Variants in C8orf34 observed in about 807,000 individuals in gnomAD.
C8orf34 encodes the protein chromosome 8 open reading frame 34, also known as uncharacterized protein C8orf34.
C8orf34 carries 65 observed loss-of-function variants against 68.3 expected under a neutral mutation model. The ratio of observed to expected loss-of-function variants is 0.95; its 90% CI spans 0.78 to 1.17. The LOEUF is 1.17. C8orf34 is among the 50% of genes most tolerant of loss of function. The pLI is 0.00. For missense variants in C8orf34, 664 were observed against 655.4 expected (o/e 1.01, Z -0.14); for synonymous variants, 244 against 241.2 (o/e 1.01, Z -0.11).
chr8:68,375,971 T>C (rs1807776504), intron 1 of C8orf34, among the ~76,000 whole-genome samples: 1 of 152,170 alleles, frequency 6.6e-6, no homozygotes, highest in African/African-American at 2.4e-5. Context: ...CAACCGTTTG[T>C]CTATTCTTCA....
chr8:68,540,088 T>G (rs1276148756), intron 7 of C8orf34, among the ~76,000 whole-genome samples: 1 of 152,098 alleles, frequency 6.6e-6, no homozygotes, highest in African/African-American at 2.4e-5. Flanking sequence ...TAAAAATGTC[T>G]TATGTTCAAC....
chr8:68,743,715 C>T (rs1822378139), intron 10 of C8orf34, among the ~76,000 whole-genome samples: 1 of 152,364 alleles, frequency 6.6e-6, no homozygotes, highest in African/African-American at 2.4e-5. Flanking sequence ...AAAACCCGCA[C>T]CTGGCTCGGA....
At chr8:68,519,608 T>C (rs1586306056) in intron 5 of C8orf34, among the ~76,000 whole-genome samples, 1 of 152,346 alleles carries the variant, frequency 6.6e-6, no homozygotes, top group East Asian at 1.9e-4. Context: ...TTTATATGAC[T>C]TTGTTTTGTA....
chr8:68,636,395 G>T (rs934542420), intron 7 of C8orf34, among the ~76,000 whole-genome samples: 9 of 148,610 alleles, frequency 6.1e-5, no homozygotes, highest in Non-Finnish European at 1.2e-4. Flanking sequence ...CTAACACAGT[G>T]AAACCCTGCC....
At chr8:68,535,247 A>G (rs1815415934) in intron 7 of C8orf34, 1 of 979,410 alleles carries the variant, frequency 1.0e-6, no homozygotes, top group East Asian at 1.1e-4. Flanking sequence ...TTTATATAGA[A>G]TCATTGTAAG....
intron 1 of C8orf34, among the ~76,000 whole-genome samples, chr8:68,360,039 C>G (rs1167730671): frequency 6.6e-6 from 1 of 152,206 alleles, no homozygotes; most frequent in African/African-American, 2.4e-5. Context: ...AAAAAGGAAC[C>G]AAAATAACAC....
intron 1 of C8orf34, among the ~76,000 whole-genome samples, chr8:68,374,467 A>T (rs527580356): frequency 6.6e-6 from 1 of 152,260 alleles, no homozygotes; most frequent in South Asian, 2.1e-4. Context: ...TGTAGTTCAA[A>T]CTTACCAGAC....
chr8:68,411,997 G>A (rs1041893733), intron 1 of C8orf34, among the ~76,000 whole-genome samples: 1 of 152,160 alleles, frequency 6.6e-6, no homozygotes, highest in African/African-American at 2.4e-5. Flanking sequence ...CCTTAAAAAG[G>A]ACCTGAAGTA....
chr8:68,674,082 G>A (rs1457874705), intron 8 of C8orf34, among the ~76,000 whole-genome samples: 1 of 152,192 alleles, frequency 6.6e-6, no homozygotes, highest in Non-Finnish European at 1.5e-5. Context: ...TGGGATTGGG[G>A]TGCCCCTAAA....
At chr8:68,747,714 C>T (rs993487067) in intron 10 of C8orf34, among the ~76,000 whole-genome samples, 3 of 151,946 alleles carry the variant, frequency 2.0e-5, no homozygotes, top group Admixed American at 2.0e-4. Context: ...AACTGCAAAC[C>T]ACTGCTCAAG....
chr8:68,747,955 T>G (rs1286668818), intron 10 of C8orf34, among the ~76,000 whole-genome samples: 2 of 152,016 alleles, frequency 1.3e-5, no homozygotes, highest in African/African-American at 4.8e-5. Context: ...AGAACAAAGC[T>G]GGAGACATCA....
At chr8:68,761,734 A>T (rs887673871) in intron 10 of C8orf34, among the ~76,000 whole-genome samples, 5 of 152,196 alleles carry the variant, frequency 3.3e-5, no homozygotes, top group Non-Finnish European at 7.3e-5. Flanking sequence ...CTGTACCTTT[A>T]CTAATGATGT....
chr8:68,341,656 T>C (rs1424569818), intron 1 of C8orf34, among the ~76,000 whole-genome samples: 1 of 151,974 alleles, frequency 6.6e-6, no homozygotes, highest in African/African-American at 2.4e-5. Flanking sequence ...TGAGATCTGT[T>C]TAAGTGGTGT....
chr8:68,576,564 T>C (rs1047531206), intron 7 of C8orf34, among the ~76,000 whole-genome samples: 8 of 149,798 alleles, frequency 5.3e-5, no homozygotes, highest in Non-Finnish European at 1.0e-4. Context: ...GGTAAAGGCT[T>C]TCTTTGGATT....
intron 1 of C8orf34, among the ~76,000 whole-genome samples, chr8:68,368,276 T>C (rs1379400830): frequency 1.3e-5 from 2 of 152,174 alleles, no homozygotes; most frequent in Non-Finnish European, 2.9e-5. Context: ...CTTCCTTAGA[T>C]AGACATTATT....
intron 9 of C8orf34, among the ~76,000 whole-genome samples, chr8:68,719,847 A>G (rs17389034): frequency 0.19 from 28,206 of 151,886 alleles, 3,001 homozygotes; most frequent in Non-Finnish European, 0.24. Flanking sequence ...TACTGAAATA[A>G]GAACTTCAAT....
rs185221830 is a variant in C8orf34, at chr8:68,660,128, C to T, written c.1241+19617C>T. Among the ~76,000 whole-genome samples the T allele has an allele frequency of 1.8e-3, 270 of 152,126 alleles. 1 individual carries two copies. The highest frequency in any genetic ancestry group is 5.8e-3 in the Admixed American group (89 of 15,288). On this transcript the variant is annotated intron_variant, in intron 8 of 13. Transcript: ENST00000518698. ...GTCTGTGGTACAGGGACACAGTTACCCATCTGTGAAGAGAGGACAGAGGAG... is the reference window on the plus strand; with the variant it reads ...GTCTGTGGTACAGGGACACAGTTACTCATCTGTGAAGAGAGGACAGAGGAG...
intron 1 of C8orf34, among the ~76,000 whole-genome samples, chr8:68,343,521 C>T (rs1384712283): frequency 6.6e-6 from 1 of 151,726 alleles, no homozygotes; most frequent in Non-Finnish European, 1.5e-5. Flanking sequence ...CCTCCCTGGA[C>T]TCAAGAGATC....
intron 8 of C8orf34, among the ~76,000 whole-genome samples, chr8:68,663,823 TATGATTGTA>T (rs1448194918): frequency 1.3e-5 from 2 of 152,222 alleles, no homozygotes; most frequent in Non-Finnish European, 2.9e-5. Context: ...TTTCTGATTT[TATGATTGTA>T]ACCAAGTCCA....
Sources: gnomAD v4.1 joint callset for allele counts (sites outside exome capture counted in the v4.1 genomes callset) on GRCh38, gnomAD v4.1.1 for gene constraint, MANE v1.5 for transcripts, NCBI Gene and HGNC (gene_info 2026-07-23, HGNC 2026-07-21) for gene names.